FHL1: variants seen among roughly 807,000 people sequenced by gnomAD.
FHL1 encodes the protein four and a half LIM domains protein 1.
A neutral mutation model predicts 20.3 loss-of-function variants in FHL1; 1 was observed. The ratio of observed to expected loss-of-function variants is 0.05; its 90% CI spans 0.02 to 0.23. The LOEUF (loss-of-function observed/expected upper bound fraction) is 0.23, where lower values mean the gene tolerates loss of function less well. Ranked by LOEUF, FHL1 falls within the 10% of genes least tolerant of loss-of-function variation. The probability of loss-of-function intolerance (pLI) is 1.00; values close to 1 mark genes in which losing one functional copy is unlikely to be tolerated. For synonymous variants in FHL1, 82 were observed against 88.9 expected, an observed-to-expected ratio of 0.92 and a Z score of 0.44; for missense variants, 177 against 234.0, an observed-to-expected ratio of 0.76 and a Z score of 1.59.
In FHL1 at chrX:136,183,112, A is replaced by AC. The variant is rs1397180703; in HGVS notation, c.-27+13132_-27+13133insC. 7.4e-4 allele frequency among the ~76,000 whole-genome samples: 72 copies of AC among 97,954 alleles called. 2 individuals are homozygous for AC. Among genetic ancestry groups the AC allele is most frequent in the African/African-American group, 2.4e-3 (71 of 29,544 alleles). The allele number at this position is 97,954 out of a possible 115,157, so 85.1% of individuals were successfully genotyped here. ...ACTGTCTCAAAAAAAAAAAAAACAA[A>AC]AAACAAACAAACAAAAAAAAAACAG... On this transcript the variant is annotated intron_variant, in intron 2 of 6. Transcript: ENST00000394153.
At chrX:136,162,509 A>T (rs2072599101) in intron 1 of FHL1, among the ~76,000 whole-genome samples, 1 of 111,577 alleles carries the variant, frequency 9.0e-6, no homozygotes, top group Non-Finnish European at 1.9e-5. Context: ...TAGCCTGGTG[A>T]GGTGATGTGT....
chrX:136,183,108 A>G (rs1201002701), intron 2 of FHL1, among the ~76,000 whole-genome samples: 2 of 100,629 alleles, frequency 2.0e-5, no homozygotes, highest in Non-Finnish European at 4.2e-5. Context: ...AAAAAAAAAA[A>G]CAAAAAACAA....
At position 136,206,413 on chromosome X, in the gene FHL1, C is replaced by G. The variant is rs1603270381; in HGVS notation, c.29C>G (p.Ser10Cys). The G allele has an allele frequency of 8.3e-7, 1 of 1,212,099 alleles. No individual in the cohort carries two copies. Residue 10 changes from serine (S) to cysteine (C), a missense_variant, in exon 2 of 6, where the codon TCC becomes TGC. Coordinates refer to ENST00000370683, the MANE Select transcript of FHL1 (RefSeq NM_001159699.2). The part of the protein sequence containing the change: MASHRHSGP[S>C]SYKVGTMAEK... ...TGTCTGCTTGCCCCCGCAGGTCCCTCCAGCTACAAGGTGGGCACCATGGCG... is the reference window on the plus strand; with the variant it reads ...TGTCTGCTTGCCCCCGCAGGTCCCTGCAGCTACAAGGTGGGCACCATGGCG...
intron 5 of FHL1, among the ~76,000 whole-genome samples, chrX:136,209,613 C>T (rs1318779479): frequency 9.1e-6 from 1 of 110,292 alleles, no homozygotes; most frequent in Non-Finnish European, 1.9e-5. Context: ...AAGCCCTTGG[C>T]CGGGCTTCAG....
At chrX:136,168,333 A>ATT (rs1357565647), upstream of FHL1, 2 of 111,943 alleles carry the variant, frequency 1.8e-5, no homozygotes, top group African/African-American at 6.5e-5. Context: ...GATGAGATGG[A>ATT]GTAAAGCCTT....
rs2072532205 is a variant in FHL1 at position 136,160,327 on chromosome X, A to G, written c.-100-9580A>G. Among the ~76,000 whole-genome samples, 3 of 112,176 alleles carry G rather than the reference A, an allele frequency of 2.7e-5. No individual in the cohort carries two copies. In the Admixed American group the frequency reaches 2.8e-4, roughly 11 times the overall value. ...GAAGTGGTTGTCTGTCAGGTCTGTGATAAGACCTGGGGTGAAAAACCTCAT... is the reference window on the plus strand; with the variant it reads ...GAAGTGGTTGTCTGTCAGGTCTGTGGTAAGACCTGGGGTGAAAAACCTCAT... On this transcript the variant is annotated intron_variant, in intron 1 of 7. Coordinates refer to the FHL1 transcript ENST00000394155.
chrX:136,206,075 T>G (rs2073831462), intron 1 of FHL1: 1 of 352,636 alleles, frequency 2.8e-6, no homozygotes, highest in African/African-American at 2.6e-5. Context: ...ATCTGGTGAC[T>G]TGGCCAACAC....
intron 1 of FHL1, among the ~76,000 whole-genome samples, chrX:136,149,369 T>G (rs2072203299): frequency 8.9e-6 from 1 of 112,609 alleles, no homozygotes; most frequent in African/African-American, 3.2e-5. Context: ...TTGCCTTTTA[T>G]GTGGTGAGAC....
upstream of FHL1, among the ~76,000 whole-genome samples, chrX:136,164,711 G>A (rs369709387): frequency 3.3e-4 from 37 of 111,392 alleles, no homozygotes; most frequent in South Asian, 4.9e-3. Flanking sequence ...ACATCTGGAA[G>A]GAAAGACACC....
chrX:136,162,594 C>T (rs149208828), intron 1 of FHL1, among the ~76,000 whole-genome samples: 53 of 111,814 alleles, frequency 4.7e-4, no homozygotes, highest in Non-Finnish European at 7.9e-4. Context: ...TGAGCTATCA[C>T]CTGGGAGCTT....
At position 136,211,145 on chromosome X, in the gene FHL1, AT is replaced by A. The variant is rs1569531035; in HGVS notation, c.*1121del. 2 of 372,504 alleles carry A rather than the reference AT, an allele frequency of 5.4e-6. No individual in the cohort carries two copies. Among genetic ancestry groups the A allele is most frequent in the Non-Finnish European group, 1.0e-5 (2 of 196,144 alleles). The allele number at this position is 372,504 out of a possible 1,213,427, so 30.7% of individuals were successfully genotyped here. A position where few individuals can be genotyped will look rare whatever the true frequency, so the allele number is the denominator to read the frequency against. On this transcript the variant is annotated 3_prime_UTR_variant, in exon 6 of 6. Transcript: ENST00000370683. Reference sequence around the variant, plus strand: ...GATTTCCACCTACCGCTTACCTGAAATGCAGGATCACCTACTTACTGTATTC... The same window carrying A: ...GATTTCCACCTACCGCTTACCTGAAAGCAGGATCACCTACTTACTGTATTC...
upstream of FHL1, chrX:136,147,003 G>C: frequency 3.2e-6 from 1 of 312,551 alleles, no homozygotes; most frequent in Non-Finnish European, 6.2e-6. Flanking sequence ...GCTTTTCAGG[G>C]AGTGCGCAGG....
chrX:136,188,701 C>A (rs1055611637), intron 2 of FHL1, among the ~76,000 whole-genome samples: 3 of 111,078 alleles, frequency 2.7e-5, no homozygotes, highest in African/African-American at 9.8e-5. Flanking sequence ...CATCCCAACT[C>A]TAGATGCTTT....
chrX:136,152,719 CAAAAAAAAAA>C (rs768022110), intron 1 of FHL1, among the ~76,000 whole-genome samples: 2 of 53,015 alleles, frequency 3.8e-5, no homozygotes, highest in African/African-American at 8.2e-5. Context: ...GACTCCATCT[CAAAAAAAAAA>C]AAAAAAAAAA....
At position 136,208,556 on chromosome X, in the gene FHL1, C is replaced by T. The variant is rs370597064; in HGVS notation, c.651C>T (p.Thr217=). 1.1e-4 allele frequency: 128 copies of T among 1,209,441 alleles called. No homozygotes were observed. The highest frequency in any genetic ancestry group is 1.3e-4 in the Non-Finnish European group (118 of 894,878). ...AGAAGCTGGCTGGGCAGCGTTTCAC[C>T]GCTGTGGAGGACCAGTATTACTGCG... ...CSKKLAGQRF[T]AVEDQYYCVD... The change falls in exon 5 of 6, where the codon ACC becomes ACT. Residue 217 remains threonine, a synonymous_variant. Coordinates refer to ENST00000370683, the MANE Select transcript of FHL1 (RefSeq NM_001159699.2).
intron 1 of FHL1, 28 bp from the exon 2 acceptor site, chrX:136,206,379 C>G (rs1456849265): frequency 8.3e-7 from 1 of 1,209,426 alleles, no homozygotes; most frequent in Non-Finnish European, 1.1e-6. Flanking sequence ...TTCCTGTGGT[C>G]ATTTGTCCTG....
At chrX:136,200,583 C>T (rs1349864917) in intron 1 of FHL1, among the ~76,000 whole-genome samples, 1 of 112,108 alleles carries the variant, frequency 8.9e-6, no homozygotes, top group African/African-American at 3.2e-5. Context: ...GTTGTGGTAA[C>T]ATATCTCCAT....
intron 1 of FHL1, among the ~76,000 whole-genome samples, chrX:136,156,838 A>G (rs2072433392): frequency 9.0e-6 from 1 of 111,111 alleles, no homozygotes; most frequent in African/African-American, 3.3e-5. Context: ...TTTTCAGTGC[A>G]CTCTGCCAGG....
intron 5 of FHL1, chrX:136,209,434 C>G (rs1219254629): frequency 8.3e-7 from 1 of 1,210,474 alleles, no homozygotes; most frequent in East Asian, 3.0e-5. Flanking sequence ...AGCAGCTCCT[C>G]GAGGCCCGGT....
Sources: allele counts gnomAD v4.1 joint callset (sites outside exome capture counted in the v4.1 genomes callset), GRCh38; gene constraint gnomAD v4.1.1; transcripts MANE v1.5; gene names NCBI Gene and HGNC (gene_info 2026-07-23, HGNC 2026-07-21).